YBEY: variants seen among roughly 807,000 people sequenced by gnomAD.
The protein encoded by YBEY is ybeY metalloendoribonuclease.
In YBEY, 15 loss-of-function variants were observed where a neutral mutation model predicts 13.5. The observed-to-expected ratio is 1.11, with a 90% CI of 0.75 to 1.72. YBEY has a LOEUF of 1.72. Among genes scored for constraint, YBEY ranks in the 40% most tolerant of loss-of-function variants. YBEY has a pLI of 0.00. For synonymous variants in YBEY, 101 were observed against 83.1 expected, an observed-to-expected ratio of 1.21 and a Z score of -1.17; for missense variants, 244 against 208.4, an observed-to-expected ratio of 1.17 and a Z score of -1.05.
the YBEY span, among the ~76,000 whole-genome samples, chr21:46,307,989 G>A: frequency 6.6e-6 from 1 of 151,924 alleles, no homozygotes; most frequent in African/African-American, 2.4e-5. Flanking sequence ...TAACAGTTTG[G>A]CAGTTTCTTT....
the YBEY span, among the ~76,000 whole-genome samples, chr21:46,308,578 G>T: frequency 4.6e-5 from 7 of 152,318 alleles, no homozygotes; most frequent in East Asian, 1.2e-3. Context: ...CGACAGCTTT[G>T]TTGGCCATAA....
the YBEY span, among the ~76,000 whole-genome samples, chr21:46,304,321 C>T: frequency 1.3e-5 from 2 of 151,932 alleles, no homozygotes; most frequent in South Asian, 2.1e-4. Context: ...TGAGCCACTG[C>T]GCCTGCCCTA....
chr21:46,298,759 C>G (rs1323758196), downstream of YBEY, among the ~76,000 whole-genome samples: 3 of 151,020 alleles, frequency 2.0e-5, no homozygotes, highest in East Asian at 5.9e-4. Context: ...GGGTCTGGCT[C>G]TGTTGCCCAG....
At chr21:46,301,562 G>C (rs939617173), downstream of YBEY, 2 of 991,802 alleles carry the variant, frequency 2.0e-6, no homozygotes, top group African/African-American at 3.5e-5. Context: ...TAAAGCTATT[G>C]ATCTTTTCTG....
chr21:46,295,605 C>T (rs1337386335), intron 3 of YBEY, among the ~76,000 whole-genome samples: 1 of 152,042 alleles, frequency 6.6e-6, no homozygotes, highest in South Asian at 2.1e-4. Flanking sequence ...TCCTGACTCA[C>T]CAGCAGCTGC....
chr21:46,297,451 G>T (rs1405038133), intron 4 of YBEY, 88 bp from the exon 5 acceptor site: 68 of 1,244,066 alleles, frequency 5.5e-5, no homozygotes, highest in Non-Finnish European at 5.6e-5. Context: ...CCCAAACCCT[G>T]TGGGAGGGGC....
intron 2 of YBEY, among the ~76,000 whole-genome samples, chr21:46,289,343 G>T (rs2081596079): frequency 6.6e-6 from 1 of 151,552 alleles, no homozygotes; most frequent in Admixed American, 6.6e-5. Context: ...AGAAAAGGAT[G>T]TTTATTTGGG....
the YBEY span, among the ~76,000 whole-genome samples, chr21:46,304,276 C>T: frequency 5.9e-5 from 9 of 151,870 alleles, no homozygotes; most frequent in African/African-American, 9.7e-5. Flanking sequence ...ATGATCTGCC[C>T]GCCTCGGCCT....
the YBEY span, among the ~76,000 whole-genome samples, chr21:46,304,634 G>C: frequency 6.6e-6 from 1 of 152,226 alleles, no homozygotes; most frequent in Non-Finnish European, 1.5e-5. Context: ...TGTTGGTGAA[G>C]TGCTCTGGCG....
intron 4 of YBEY, 49 bp from the exon 5 acceptor site, chr21:46,297,490 G>C (rs985677910): frequency 3.4e-5 from 45 of 1,335,418 alleles, no homozygotes; most frequent in Non-Finnish European, 4.4e-5. Flanking sequence ...CAGAGAGTGG[G>C]GCGCGGACAC....
Position 46,297,446 on chromosome 21 carries a change from A to G in YBEY, c.409-93A>G, listed in dbSNP as rs973780099. 7.5e-5 allele frequency: 91 copies of G among 1,221,098 alleles called. No homozygotes were observed. The African/African-American group carries it at 1.3e-3, about 18-fold the overall frequency. The allele number at this position is 1,221,098 out of a possible 1,614,324, so 75.6% of individuals were successfully genotyped here. A position where few individuals can be genotyped will look rare whatever the true frequency, so the allele number is the denominator to read the frequency against. On this transcript the variant is annotated intron_variant, in intron 4 of 4. Coordinates refer to ENST00000397701, the MANE Select transcript of YBEY (RefSeq NM_001314025.2). ...CGCGCGGGCGGCCGGCTTCCCCCAA[A>G]CCCTGTGGGAGGGGCATCCCGAGGA...
chr21:46,291,274 G>A lies in YBEY; in HGVS notation c.211-60G>A, dbSNP rs985246649. ...CTTGGGATTAACCAGGATGAAACCT[G>A]TCAACCTGTGGTTGGGTTACGTTTC... is the stretch of plus-strand genomic sequence containing the variant. On this transcript the variant is annotated intron_variant, in intron 2 of 4. Coordinates refer to ENST00000397701, the MANE Select transcript of YBEY (RefSeq NM_001314025.2). 4.4e-6 allele frequency: 7 copies of A among 1,603,754 alleles called. No individual in the cohort carries two copies. The African/African-American group carries it at 5.4e-5, about 12-fold the overall frequency.
At chr21:46,300,907 A>G (rs905197816), downstream of YBEY, 6 of 922,364 alleles carry the variant, frequency 6.5e-6, no homozygotes, top group African/African-American at 1.1e-4. Context: ...AAAGTAAAGA[A>G]AAGAAATAGT....
chr21:46,296,403 C>G (rs2081953372), intron 4 of YBEY, among the ~76,000 whole-genome samples, 173 bp downstream of exon 4: 1 of 151,650 alleles, frequency 6.6e-6, no homozygotes, highest in African/African-American at 2.4e-5. Context: ...TCCCCAAATA[C>G]TTCCAGCTGA....
At chr21:46,308,858 G>A in the YBEY span, among the ~76,000 whole-genome samples, 35 of 152,236 alleles carry the variant, frequency 2.3e-4, no homozygotes, top group Non-Finnish European at 5.9e-5. Context: ...ATAATAAGAG[G>A]AAGAGTGACC....
At chr21:46,302,071 ATGG>A (rs71318063), downstream of YBEY, 2,375 of 1,500,426 alleles carry the variant, frequency 1.6e-3, 18 homozygotes, top group African/African-American at 0.021. Flanking sequence ...GCCACACAGC[ATGG>A]TGGTGGTGGT....
At chr21:46,302,539 C>T (rs1334642115), downstream of YBEY, 2 of 1,612,648 alleles carry the variant, frequency 1.2e-6, no homozygotes, top group Admixed American at 1.7e-5. Context: ...CCAACTGGTG[C>T]ACCTGTGCGT....
At chr21:46,291,576 G>A in intron 3 of YBEY, 114 bp downstream of exon 3, 1 of 1,522,730 alleles carries the variant, frequency 6.6e-7, no homozygotes, top group South Asian at 1.3e-5. Flanking sequence ...AAGGGCTACT[G>A]GGGGAAGAAC....
At chr21:46,296,322 G>T in intron 4 of YBEY, 92 bp downstream of exon 4, 1 of 1,366,316 alleles carries the variant, frequency 7.3e-7, no homozygotes, top group Non-Finnish European at 1.0e-6. Context: ...CATCTTGACC[G>T]CCCCCGCAGG....
Sources: allele counts gnomAD v4.1 joint callset (sites outside exome capture counted in the v4.1 genomes callset), GRCh38; gene constraint gnomAD v4.1.1; transcripts MANE v1.5; gene names NCBI Gene and HGNC (gene_info 2026-07-23, HGNC 2026-07-21).